Variants in CCSER2 observed in about 807,000 individuals in gnomAD.
CCSER2 encodes the protein serine-rich coiled-coil domain-containing protein 2.
Under a neutral mutation model 92.3 loss-of-function variants are expected in CCSER2, and 46 were observed. The observed-to-expected ratio is 0.50, with a 90% CI of 0.39 to 0.64. The LOEUF (loss-of-function observed/expected upper bound fraction) is 0.64. CCSER2 is among the 30% of genes least tolerant of loss of function. CCSER2 has a pLI of 0.00. For missense variants in CCSER2, 1,244 were observed against 1,238.9 expected (o/e 1.00, Z -0.06); for synonymous variants, 433 against 431.4 (o/e 1.00, Z -0.04).
intron 1 of CCSER2, among the ~76,000 whole-genome samples, chr10:84,346,788 ATTTG>A (rs1844508544): frequency 6.7e-6 from 1 of 149,524 alleles, no homozygotes; most frequent in African/African-American, 2.5e-5. Context: ...TTATTTATTT[ATTTG>A]TTTATTTTAT....
chr10:84,410,156 C>T (rs2133358251), intron 3 of CCSER2, among the ~76,000 whole-genome samples: 1 of 152,252 alleles, frequency 6.6e-6, no homozygotes, highest in South Asian at 2.1e-4. Context: ...TTTATCTGGT[C>T]TGTTATTAAT....
chr10:84,416,008 T>C (rs1564641561), intron 3 of CCSER2, among the ~76,000 whole-genome samples: 1 of 152,146 alleles, frequency 6.6e-6, no homozygotes, highest in Non-Finnish European at 1.5e-5. Context: ...GCAAAACTCA[T>C]GTATCTCTGT....
chr10:84,471,131 T>C (rs1215378119), intron 8 of CCSER2, among the ~76,000 whole-genome samples: 1 of 152,088 alleles, frequency 6.6e-6, no homozygotes, highest in East Asian at 1.9e-4. Context: ...AACAAAGCAA[T>C]TTGGTGAAAT....
In CCSER2 at chr10:84,364,479, T is replaced by A. The variant is rs117893880; in HGVS notation, c.-39-6535T>A. 2.5e-3 allele frequency among the ~76,000 whole-genome samples: 374 copies of A among 152,272 alleles called. 2 individuals are homozygous for A. The highest frequency in any genetic ancestry group is 4.2e-3 in the Non-Finnish European group (286 of 68,024). On this transcript the variant is annotated intron_variant, in intron 1 of 9. Coordinates refer to ENST00000372088, the MANE Select transcript of CCSER2 (RefSeq NM_001284240.2). ...CTTGAACCCGAATCCTCTTTGACAGTTTATGAATTTGTGACTTTGGACAAG... is the reference window on the plus strand; with the variant it reads ...CTTGAACCCGAATCCTCTTTGACAGATTATGAATTTGTGACTTTGGACAAG...
At position 84,372,314 on chromosome 10, in the gene CCSER2, T is replaced by C. The variant is rs750013981; in HGVS notation, c.1262T>C (p.Ile421Thr). The stretch of plus-strand genomic sequence containing the variant: ...GACTTTAGTGATGATTTTATAGATA[T>C]AGAAGACTCCAACAGAACTAGAATA... ...SEDFSDDFID[I>T]EDSNRTRITP... The change falls in exon 2 of 10, where the codon ATA (isoleucine) becomes ACA (threonine). Residue 421 changes from isoleucine to threonine, a missense_variant. Transcript: ENST00000372088. 5.6e-6 allele frequency: 9 copies of C among 1,612,258 alleles called. No homozygotes were observed. The highest frequency in any genetic ancestry group is 1.3e-5 in the African/African-American group (1 of 74,766).
At chr10:84,392,790 T>C (rs551866614) in intron 3 of CCSER2, among the ~76,000 whole-genome samples, 4 of 152,282 alleles carry the variant, frequency 2.6e-5, no homozygotes, top group African/African-American at 9.6e-5. Context: ...TAAATGGGGC[T>C]TGGTATATCA....
chr10:84,385,388 G>A (rs1204468907), intron 3 of CCSER2, among the ~76,000 whole-genome samples: 1 of 152,090 alleles, frequency 6.6e-6, no homozygotes, highest in Non-Finnish European at 1.5e-5. Flanking sequence ...AAAACAGCAT[G>A]GTACTGATAT....
At chr10:84,384,824 CTGTT>C (rs745748323) in intron 3 of CCSER2, among the ~76,000 whole-genome samples, 4 of 152,138 alleles carry the variant, frequency 2.6e-5, no homozygotes, top group Non-Finnish European at 4.4e-5. Flanking sequence ...GTAAAATTAT[CTGTT>C]TGTTGTTGAT....
chr10:84,394,272 C>A (rs1369853477), intron 3 of CCSER2, among the ~76,000 whole-genome samples: 1 of 152,032 alleles, frequency 6.6e-6, no homozygotes, highest in African/African-American at 2.4e-5. Context: ...TGTCCTTGTC[C>A]TTAATTAGTT....
intron 1 of CCSER2, among the ~76,000 whole-genome samples, chr10:84,369,273 T>G (rs1452575313): frequency 7.2e-5 from 11 of 152,120 alleles, no homozygotes; most frequent in Non-Finnish European, 1.6e-4. Flanking sequence ...CTAATTTACA[T>G]TACCACCAGC....
chr10:84,470,279 A>T, intron 7 of CCSER2, 93 bp from the exon 8 acceptor site: 1 of 657,422 alleles, frequency 1.5e-6, no homozygotes, highest in East Asian at 4.8e-5. Context: ...AAATGACCAG[A>T]TAGTTTGTTC....
chr10:84,403,721 A>G (rs941345336), intron 3 of CCSER2, among the ~76,000 whole-genome samples: 1 of 152,220 alleles, frequency 6.6e-6, no homozygotes, highest in Admixed American at 6.5e-5. Context: ...AATTAAAATC[A>G]CATTCTATAC....
At chr10:84,351,480 C>T in intron 1 of CCSER2, among the ~76,000 whole-genome samples, 1 of 152,138 alleles carries the variant, frequency 6.6e-6, no homozygotes, top group East Asian at 1.9e-4. Flanking sequence ...GAGCCACTCA[C>T]CTTGGCCTCC....
intron 8 of CCSER2, among the ~76,000 whole-genome samples, chr10:84,476,630 A>G (rs1450090586): frequency 6.6e-6 from 1 of 151,476 alleles, no homozygotes. Flanking sequence ...TTTTTAGTAG[A>G]GATGAGGTTT....
chr10:84,357,190 A>T (rs1474627110), intron 1 of CCSER2, among the ~76,000 whole-genome samples: 2 of 152,108 alleles, frequency 1.3e-5, no homozygotes, highest in Non-Finnish European at 2.9e-5. Context: ...AGACGGTTTG[A>T]TACCATGAAG....
chr10:84,453,708 G>C (rs978364099), intron 6 of CCSER2, among the ~76,000 whole-genome samples: 2 of 152,144 alleles, frequency 1.3e-5, no homozygotes, highest in Non-Finnish European at 2.9e-5. Context: ...AGATGTCTCA[G>C]TTTCTCCTTT....
intron 9 of CCSER2, among the ~76,000 whole-genome samples, chr10:84,502,884 C>T (rs1326040379): frequency 6.6e-6 from 1 of 152,080 alleles, no homozygotes. Context: ...GCCCTCGTCA[C>T]TCTAGAAAGC....
At chr10:84,404,337 A>G (rs538376463) in intron 3 of CCSER2, among the ~76,000 whole-genome samples, 5 of 152,320 alleles carry the variant, frequency 3.3e-5, no homozygotes, top group Admixed American at 6.5e-5. Context: ...GCTTACTAAC[A>G]AAGTTGTTTA....
chr10:84,503,082 G>A (rs1016092292), intron 9 of CCSER2, among the ~76,000 whole-genome samples: 5 of 152,054 alleles, frequency 3.3e-5, no homozygotes, highest in African/African-American at 9.7e-5. Flanking sequence ...AAATTAGCGG[G>A]GCGTGGTGGC....
Sources: gnomAD v4.1 joint callset for allele counts (sites outside exome capture counted in the v4.1 genomes callset) on GRCh38, gnomAD v4.1.1 for gene constraint, MANE v1.5 for transcripts, NCBI Gene and HGNC (gene_info 2026-07-23, HGNC 2026-07-21) for gene names.